SLC35D1: variants seen among roughly 807,000 people sequenced by gnomAD.
SLC35D1 encodes nucleotide sugar transporter SLC35D1.
In SLC35D1, 31 loss-of-function variants were observed where a neutral mutation model predicts 46.7. The ratio of observed to expected loss-of-function variants is 0.66; its 90% CI spans 0.50 to 0.90. The LOEUF (loss-of-function observed/expected upper bound fraction) is 0.90. Among genes scored for constraint, SLC35D1 ranks in the 40% least tolerant of loss-of-function variants. The pLI, the probability that SLC35D1 is intolerant of heterozygous loss-of-function variation, is 0.00. For synonymous variants in SLC35D1, 195 were observed against 164.6 expected (o/e 1.18, Z -1.41); for missense variants, 397 against 426.2 (o/e 0.93, Z 0.60).
intron 8 of SLC35D1, among the ~76,000 whole-genome samples, chr1:67,033,078 C>CT (rs1377193050): frequency 2.0e-5 from 3 of 151,962 alleles, no homozygotes; most frequent in East Asian, 1.9e-4. Flanking sequence ...TCAGCATCTC[C>CT]TTTTTTTTAT....
At chr1:67,021,741 A>C in intron 8 of SLC35D1, 139 bp from the exon 9 acceptor site, 1 of 710,376 alleles carries the variant, frequency 1.4e-6, no homozygotes, top group Non-Finnish European at 2.5e-6. Context: ...ACACACACAC[A>C]CACACACACA....
At chr1:67,014,670 G>GTTT (rs34459732) in intron 10 of SLC35D1, among the ~76,000 whole-genome samples, 12,762 of 99,598 alleles carry the variant, frequency 0.13, 259 homozygotes, top group East Asian at 0.18. Context: ...TCAATTTTTA[G>GTTT]TTTTTTTTTT....
At position 67,040,433 on chromosome 1, in the gene SLC35D1, T is replaced by C. The variant is rs1668218781; in HGVS notation, c.729+1803A>G. ...ATAACACCTGCTTAGAACTTAAAAATCTAGGTTCTAGTCCTCTCTGGGGCC... is the reference window on the plus strand; with the variant it reads ...ATAACACCTGCTTAGAACTTAAAAACCTAGGTTCTAGTCCTCTCTGGGGCC... On this transcript the variant is annotated intron_variant, in intron 8 of 11. Coordinates refer to ENST00000235345, the MANE Select transcript of SLC35D1 (RefSeq NM_015139.3). Among the ~76,000 whole-genome samples, 3 of 152,186 alleles carry C rather than the reference T, an allele frequency of 2.0e-5. No individual in the cohort carries two copies. The South Asian group carries it at 6.2e-4, about 32-fold the overall frequency.
At chr1:67,049,666 C>G (rs961747042) in intron 6 of SLC35D1, 116 bp downstream of exon 6, 8 of 956,278 alleles carry the variant, frequency 8.4e-6, no homozygotes, top group Non-Finnish European at 1.3e-5. Context: ...CTTCTAGATG[C>G]TTTTCAAAGA....
In SLC35D1 at chr1:67,002,119, G is replaced by A. The variant is rs1168889435; in HGVS notation, c.*2221C>T. On this transcript the variant is annotated 3_prime_UTR_variant, in exon 12 of 12. Transcript: ENST00000235345. ...TATTCAAACGTCCCTCCTTCATGTT[G>A]CTGACAGAAAGAACAGAATCACTAA... 1.3e-5 allele frequency: 2 copies of A among 152,352 alleles called. No individual in the cohort carries two copies. The highest frequency in any genetic ancestry group is 4.8e-5 in the African/African-American group (2 of 41,434). The allele number at this position is 152,352 out of a possible 1,614,324, so 9.4% of individuals were successfully genotyped here.
the SLC35D1 span, chr1:66,973,050 C>T: frequency 1.1e-6 from 1 of 872,448 alleles, no homozygotes. Flanking sequence ...CTCAAATGGT[C>T]ATGTATCGTA....
At chr1:67,015,451 G>A (rs547989223) in intron 10 of SLC35D1, among the ~76,000 whole-genome samples, 12 of 151,982 alleles carry the variant, frequency 7.9e-5, no homozygotes, top group South Asian at 4.2e-4. Context: ...GTGCAGTGGC[G>A]TGATCTCAGC....
the SLC35D1 span, among the ~76,000 whole-genome samples, chr1:66,975,154 A>G: frequency 1.3e-5 from 2 of 152,200 alleles, no homozygotes; most frequent in African/African-American, 2.4e-5. Context: ...GCTACAGAAT[A>G]TTTACTTCAA....
At chr1:67,051,656 T>G (rs1223488082) in intron 4 of SLC35D1, among the ~76,000 whole-genome samples, 3 of 152,230 alleles carry the variant, frequency 2.0e-5, no homozygotes, top group Non-Finnish European at 4.4e-5. Flanking sequence ...AAAATATTTA[T>G]GAACTATACT....
chr1:66,985,190 G>A, the SLC35D1 span: 6 of 964,290 alleles, frequency 6.2e-6, no homozygotes, highest in Non-Finnish European at 7.5e-6. Flanking sequence ...TACTAATTTT[G>A]GTAAATCTGA....
Position 67,044,352 on chromosome 1 carries a change from C to T in SLC35D1, c.637-2024G>A, listed in dbSNP as rs943764120. Reference sequence around the variant, plus strand: ...CATCTGAAAAAAAAAAAAAAAACCCCGAAGGAAAACTAGCTGATTAGATGA... The same window carrying T: ...CATCTGAAAAAAAAAAAAAAAACCCTGAAGGAAAACTAGCTGATTAGATGA... On this transcript the variant is annotated intron_variant, in intron 7 of 11. Coordinates refer to ENST00000235345, the MANE Select transcript of SLC35D1 (RefSeq NM_015139.3). Among the ~76,000 whole-genome samples the T allele has an allele frequency of 5.3e-5, 8 of 150,380 alleles. No individual in the cohort carries two copies. The South Asian group carries it at 1.3e-3, about 24-fold the overall frequency.
the SLC35D1 span, chr1:66,984,733 G>A: frequency 1.3e-4 from 210 of 1,613,814 alleles, no homozygotes; most frequent in Non-Finnish European, 6.4e-5. Flanking sequence ...CCCAAAACTT[G>A]CCCATATGAC....
chr1:66,976,627 A>C, the SLC35D1 span: 1 of 1,606,096 alleles, frequency 6.2e-7, no homozygotes, highest in Non-Finnish European at 8.5e-7. Flanking sequence ...AATGTGTAGC[A>C]TTCTATTACA....
intron 6 of SLC35D1, among the ~76,000 whole-genome samples, chr1:67,048,392 C>T (rs1005057294): frequency 1.3e-4 from 20 of 152,198 alleles, no homozygotes; most frequent in Admixed American, 5.9e-4. Context: ...GTTTCAAAGA[C>T]TAGCAGGGCA....
intron 8 of SLC35D1, among the ~76,000 whole-genome samples, chr1:67,040,163 T>G (rs1668212189): frequency 6.6e-6 from 1 of 152,036 alleles, no homozygotes; most frequent in Non-Finnish European, 1.5e-5. Flanking sequence ...TGTGCTAATT[T>G]TTTTGGAATT....
At chr1:67,027,225 G>A (rs1667932918) in intron 8 of SLC35D1, among the ~76,000 whole-genome samples, 1 of 151,842 alleles carries the variant, frequency 6.6e-6, no homozygotes, top group Non-Finnish European at 1.5e-5. Context: ...TACCTGCTCT[G>A]TAATGAGGTC....
intron 7 of SLC35D1, among the ~76,000 whole-genome samples, chr1:67,046,439 AATAAG>A (rs142836315): frequency 0.055 from 8,422 of 152,298 alleles, 233 homozygotes; most frequent in Middle Eastern, 0.088. Context: ...TGGGTAGGAA[AATAAG>A]ATAAAGTCAT....
intron 3 of SLC35D1, among the ~76,000 whole-genome samples, chr1:67,052,331 G>A (rs1019378296): frequency 2.0e-5 from 3 of 152,164 alleles, no homozygotes; most frequent in Non-Finnish European, 4.4e-5. Context: ...ATCAATGTGA[G>A]ACAGAAACAT....
Position 67,053,953 on chromosome 1 carries a change from AGGATTTCGCGGG to A in SLC35D1, c.49_60del (p.Pro17_Ser20del), listed in dbSNP as rs1645343755. On this transcript the variant is annotated inframe_deletion, in exon 1 of 12. Transcript: ENST00000235345. ...AGCTCCTCCTCATCTCGGAGTGTGG[AGGATTTCGCGGG>A]GGCTTCTCCTTTAACCCGAGCATGC... is the stretch of plus-strand genomic sequence containing the variant. 2 of 1,613,518 alleles carry A rather than the reference AGGATTTCGCGGG, an allele frequency of 1.2e-6. No homozygotes were observed. The highest frequency in any genetic ancestry group is 1.7e-6 in the Non-Finnish European group (2 of 1,179,674).
Sources: allele counts gnomAD v4.1 joint callset (sites outside exome capture counted in the v4.1 genomes callset), GRCh38; gene constraint gnomAD v4.1.1; transcripts MANE v1.5; gene names NCBI Gene and HGNC (gene_info 2026-07-23, HGNC 2026-07-21).